BNC2: variants seen among roughly 807,000 people sequenced by gnomAD.
BNC2 encodes the protein basonuclin zinc finger protein 2.
A neutral mutation model predicts 76.3 loss-of-function variants in BNC2; 20 were observed. The observed-to-expected ratio is 0.26, with a 90% CI of 0.18 to 0.38. BNC2 has a LOEUF of 0.38. BNC2 is among the 10% of genes least tolerant of loss of function. BNC2 has a pLI of 1.00. For missense variants in BNC2, 1,382 were observed against 1,399.8 expected, an observed-to-expected ratio of 0.99 and a Z score of 0.20; for synonymous variants, 582 against 514.8, an observed-to-expected ratio of 1.13 and a Z score of -1.77.
At chr9:16,818,912 C>A (rs190105369) in intron 1 of BNC2, among the ~76,000 whole-genome samples, 3 of 152,266 alleles carry the variant, frequency 2.0e-5, no homozygotes, top group African/African-American at 7.2e-5. Context: ...TACTGCAGAT[C>A]TCTTCCATTT....
chr9:16,741,793 A>G (rs1156593181), intron 1 of BNC2, among the ~76,000 whole-genome samples: 1 of 151,950 alleles, frequency 6.6e-6, no homozygotes, highest in African/African-American at 2.4e-5. Context: ...CCCCGTCTCT[A>G]CTGAAAATAC....
intron 3 of BNC2, among the ~76,000 whole-genome samples, chr9:16,609,226 AT>A (rs1205362219): frequency 6.6e-6 from 1 of 152,182 alleles, no homozygotes; most frequent in African/African-American, 2.4e-5. Context: ...TACAACAAGT[AT>A]TTTGTGAATG....
chr9:16,504,259 TAA>T (rs1318489983), intron 5 of BNC2, among the ~76,000 whole-genome samples: 2 of 136,432 alleles, frequency 1.5e-5, no homozygotes, highest in African/African-American at 3.3e-5. Context: ...TCAAACTTCT[TAA>T]AGTTTGGAAT....
At chr9:16,747,326 T>C (rs1202243885) in intron 1 of BNC2, among the ~76,000 whole-genome samples, 1 of 117,884 alleles carries the variant, frequency 8.5e-6, no homozygotes, top group African/African-American at 3.0e-5. Flanking sequence ...GTACAAGACA[T>C]TGCAAGTTTT....
intron 5 of BNC2, among the ~76,000 whole-genome samples, chr9:16,469,513 A>G (rs1307035295): frequency 1.3e-5 from 2 of 152,230 alleles, no homozygotes; most frequent in African/African-American, 2.4e-5. Context: ...TGTAAGTCCA[A>G]TTAAACCTCT....
Position 16,605,410 on chromosome 9 carries a change from G to T in BNC2, c.331-22325C>A, listed in dbSNP as rs1485755911. On this transcript the variant is annotated intron_variant, in intron 3 of 6. Coordinates refer to ENST00000380672, the MANE Select transcript of BNC2 (RefSeq NM_017637.6). ...ACGCTATCATTATCTCAATTTTACA[G>T]GTAAAAACAACAACAAAGCACAGAC... Among the ~76,000 whole-genome samples the T allele has an allele frequency of 2.0e-5, 3 of 152,118 alleles. No individual in the cohort carries two copies. In the East Asian group the frequency reaches 5.8e-4, roughly 29 times the overall value.
intron 3 of BNC2, among the ~76,000 whole-genome samples, chr9:16,692,824 CTTAGTG>C (rs1278131758): frequency 6.6e-6 from 1 of 152,052 alleles, no homozygotes; most frequent in African/African-American, 2.4e-5. Context: ...CTCAGAGGGA[CTTAGTG>C]TTAAAGACTT....
chr9:16,767,965 ATTTTTT>A, intron 1 of BNC2, among the ~76,000 whole-genome samples: 1 of 138,762 alleles, frequency 7.2e-6, no homozygotes, highest in South Asian at 2.3e-4. Context: ...AGGTTATGCA[ATTTTTT>A]TTTTTTTTTT....
intron 3 of BNC2, among the ~76,000 whole-genome samples, chr9:16,592,811 C>G (rs565043925): frequency 6.6e-6 from 1 of 152,208 alleles, no homozygotes; most frequent in East Asian, 1.9e-4. Flanking sequence ...ATCTTTTGCC[C>G]AGTAGGTCTC....
intron 3 of BNC2, among the ~76,000 whole-genome samples, chr9:16,705,453 T>C (rs1216734574): frequency 6.6e-6 from 1 of 152,138 alleles, no homozygotes; most frequent in Non-Finnish European, 1.5e-5. Context: ...CCCTGACCCC[T>C]TGCATTGTGA....
At position 16,870,570 on chromosome 9, in the gene BNC2, C is replaced by T. The variant is rs1230674755; in HGVS notation, c.3+76G>A. The T allele has an allele frequency of 3.2e-6, 5 of 1,568,828 alleles. No homozygotes were observed. In the Admixed American group the frequency reaches 5.3e-5, roughly 17 times the overall value. On this transcript the variant is annotated intron_variant, in intron 1 of 6. Transcript: ENST00000380672. Reference sequence around the variant, plus strand: ...GGGCGGACACGGCCCCCGGGCGGCCCCGGTGGCGCTCGGGCGCGGGGGTCA... The same window carrying T: ...GGGCGGACACGGCCCCCGGGCGGCCTCGGTGGCGCTCGGGCGCGGGGGTCA...
At chr9:16,515,654 C>A (rs1822859978) in intron 5 of BNC2, among the ~76,000 whole-genome samples, 1 of 150,752 alleles carries the variant, frequency 6.6e-6, no homozygotes, top group Admixed American at 6.6e-5. Context: ...CACCTTGATC[C>A]AGTACACATT....
At chr9:16,532,661 T>C (rs745852537) in intron 5 of BNC2, among the ~76,000 whole-genome samples, 3 of 152,180 alleles carry the variant, frequency 2.0e-5, no homozygotes, top group Non-Finnish European at 4.4e-5. Context: ...ACAATGATAA[T>C]AGGTACTCAA....
chr9:16,840,552 G>T (rs1818801383), intron 1 of BNC2, among the ~76,000 whole-genome samples: 1 of 152,124 alleles, frequency 6.6e-6, no homozygotes, highest in Non-Finnish European at 1.5e-5. Context: ...TACTGCAGTG[G>T]TTGTATGCCT....
intron 5 of BNC2, among the ~76,000 whole-genome samples, chr9:16,485,091 C>G (rs571947358): frequency 3.1e-5 from 4 of 128,902 alleles, no homozygotes; most frequent in South Asian, 5.7e-4. Flanking sequence ...ATTACACACA[C>G]ACACACAGAG....
At chr9:16,833,552 A>C (rs551975635) in intron 1 of BNC2, among the ~76,000 whole-genome samples, 1 of 152,240 alleles carries the variant, frequency 6.6e-6, no homozygotes, top group South Asian at 2.1e-4. Context: ...GGCAAAGAGC[A>C]ATTTTTTTTT....
In BNC2 at chr9:16,834,839, A is replaced by AT. The variant is rs754452909; in HGVS notation, c.3+35806dup. 1.1e-3 allele frequency among the ~76,000 whole-genome samples: 162 copies of AT among 151,982 alleles called. 1 individual carries two copies. Among genetic ancestry groups the AT allele is most frequent in the Middle Eastern group, 3.4e-3 (1 of 290 alleles). Reference sequence around the variant, plus strand: ...GTGCAGTATGAAAACAGATTCCCCCATCTCCGCATATTAGTTTTGCTTTTT... The same window carrying AT: ...GTGCAGTATGAAAACAGATTCCCCCATTCTCCGCATATTAGTTTTGCTTTTT... On this transcript the variant is annotated intron_variant, in intron 1 of 6. Transcript: ENST00000380672.
chr9:16,435,189 TA>T (rs1820980944), intron 6 of BNC2: 1 of 379,742 alleles, frequency 2.6e-6, no homozygotes, highest in Admixed American at 3.8e-5. Flanking sequence ...TATATAAATA[TA>T]TATATAACAG....
In BNC2 at chr9:16,411,304, T is replaced by C. The variant is rs1173873868; in HGVS notation, c.*7685A>G. 1 of 152,646 alleles carries C rather than the reference T, an allele frequency of 6.6e-6. No homozygotes were observed. Among genetic ancestry groups the C allele is most frequent in the Non-Finnish European group, 1.5e-5 (1 of 68,046 alleles). 9.5% of individuals were successfully genotyped at this position (152,646 alleles called of 1,614,324 possible). A position where few individuals can be genotyped will look rare whatever the true frequency, so the allele number is the denominator to read the frequency against. ...CCCTATAAAATCTTGGTATAGCACT[T>C]AGATACTCTCTCTTCAAGAAATATA... On this transcript the variant is annotated 3_prime_UTR_variant, in exon 7 of 7. Transcript: ENST00000380672.
Sources: gnomAD v4.1 joint callset for allele counts (sites outside exome capture counted in the v4.1 genomes callset) on GRCh38, gnomAD v4.1.1 for gene constraint, MANE v1.5 for transcripts, NCBI Gene and HGNC (gene_info 2026-07-23, HGNC 2026-07-21) for gene names.